The following PACRG variants were observed in gnomAD, a reference collection of about 807,000 sequenced individuals.
The protein encoded by PACRG is parkin coregulated.
A neutral mutation model predicts 29.7 loss-of-function variants in PACRG; 29 were observed. That is an observed-to-expected ratio of 0.98 (90% CI 0.73 to 1.33). The LOEUF is 1.33. Ranked by LOEUF, PACRG falls within the 40% of genes most tolerant of loss-of-function variation. The pLI is 0.00. For missense variants in PACRG, 279 were observed against 316.2 expected, an observed-to-expected ratio of 0.88 and a Z score of 0.89; for synonymous variants, 116 against 118.7, an observed-to-expected ratio of 0.98 and a Z score of 0.15.
chr6:163,207,648 C>T (rs577313049), intron 4 of PACRG, among the ~76,000 whole-genome samples: 8 of 152,280 alleles, frequency 5.3e-5, no homozygotes, highest in Admixed American at 2.6e-4. Context: ...TCACACTTAA[C>T]GCCCAGCACT....
rs765777534 is a variant in PACRG at position 162,853,140 on chromosome 6, G to A, written c.291+38859G>A. 6.6e-6 allele frequency among the ~76,000 whole-genome samples: 1 copy of A among 152,140 alleles called. No homozygotes were observed. Among genetic ancestry groups the A allele is most frequent in the African/African-American group, 2.4e-5 (1 of 41,414 alleles). ...GGAGTAGAGAAAAGAGAACACCAGG[G>A]GCTTTCCTGAGCAGATCATCACTTT... is the stretch of plus-strand genomic sequence containing the variant. On this transcript the variant is annotated intron_variant, in intron 2 of 4. Transcript: ENST00000366888. This position sits in a 1 kb window ranked among gnomAD's most constrained non-coding sequence, Gnocchi z 4.7.
intron 2 of PACRG, among the ~76,000 whole-genome samples, chr6:162,870,942 T>C (rs1359063482): frequency 6.6e-6 from 1 of 152,206 alleles, no homozygotes; most frequent in East Asian, 1.9e-4. Flanking sequence ...GGGCACCATT[T>C]TCAATGCTGG....
intron 4 of PACRG, among the ~76,000 whole-genome samples, chr6:163,195,402 G>T (rs1418576637): frequency 6.6e-6 from 1 of 152,140 alleles, no homozygotes; most frequent in Non-Finnish European, 1.5e-5. Flanking sequence ...ATCTCCTCAT[G>T]TGGGTTCTCC....
intron 2 of PACRG, among the ~76,000 whole-genome samples, chr6:162,886,642 T>C (rs555792759): frequency 1.3e-5 from 2 of 152,178 alleles, no homozygotes; most frequent in African/African-American, 2.4e-5. Flanking sequence ...TTTCAAGTTA[T>C]GCTGTTTTCT....
chr6:163,099,644 AC>A (rs1375469494), intron 4 of PACRG, among the ~76,000 whole-genome samples: 1 of 152,216 alleles, frequency 6.6e-6, no homozygotes, highest in Non-Finnish European at 1.5e-5. Flanking sequence ...CCAACTAATG[AC>A]TTTTTAAAGG....
chr6:162,877,439 G>T (rs759851121), intron 2 of PACRG, among the ~76,000 whole-genome samples: 11 of 152,096 alleles, frequency 7.2e-5, no homozygotes, highest in Non-Finnish European at 1.2e-4. Flanking sequence ...CTGTTGGGAG[G>T]TTGGGGGCTA....
intron 1 of PACRG, among the ~76,000 whole-genome samples, chr6:162,740,572 C>G (rs1241724254): frequency 6.9e-6 from 1 of 145,510 alleles, no homozygotes; most frequent in Non-Finnish European, 1.5e-5. Context: ...TGCCTTTGGC[C>G]TCCCAAAGTG....
chr6:162,897,739 G>T (rs1249672430), intron 2 of PACRG, among the ~76,000 whole-genome samples: 8 of 152,212 alleles, frequency 5.3e-5, no homozygotes, highest in African/African-American at 1.9e-4. Context: ...ATTTCACGCT[G>T]AGCACCAGTG....
intron 2 of PACRG, among the ~76,000 whole-genome samples, chr6:162,991,920 A>T (rs1373326802): frequency 2.5e-5 from 3 of 118,242 alleles, no homozygotes; most frequent in Non-Finnish European, 4.9e-5. Flanking sequence ...TCCCATCAAT[A>T]CCTAATTTAT....
intron 2 of PACRG, among the ~76,000 whole-genome samples, chr6:162,889,722 C>G (rs370050380): frequency 5.9e-5 from 9 of 152,280 alleles, no homozygotes; most frequent in African/African-American, 1.7e-4. Flanking sequence ...AAGCATCTAC[C>G]AAATATATTA....
rs550793380 is a variant in PACRG at position 162,730,207 on chromosome 6, C to T, written c.156+1816C>T. Among the ~76,000 whole-genome samples the T allele has an allele frequency of 2.9e-4, 44 of 151,996 alleles. No homozygotes were observed. The South Asian group carries it at 6.4e-3, about 22-fold the overall frequency. The stretch of plus-strand genomic sequence containing the variant: ...TTGATAAAAGAAGGCTGGACAATAC[C>T]GTTTATACAAAATAACTTCAGTGGT... On this transcript the variant is annotated intron_variant, in intron 1 of 4. Coordinates refer to ENST00000366888, the MANE Select transcript of PACRG (RefSeq NM_001080379.2).
intron 2 of PACRG, among the ~76,000 whole-genome samples, chr6:163,037,649 A>T (rs1808327125): frequency 6.6e-6 from 1 of 152,210 alleles, no homozygotes; most frequent in African/African-American, 2.4e-5. Context: ...TACAGCAGGG[A>T]ACAACTATCC....
At chr6:163,001,211 C>G (rs1259872425) in intron 2 of PACRG, among the ~76,000 whole-genome samples, 2 of 152,160 alleles carry the variant, frequency 1.3e-5, no homozygotes, top group African/African-American at 4.8e-5. Context: ...ATGCACTGTC[C>G]AAAGAGTTAA....
At chr6:163,024,559 C>G (rs2128223060) in intron 2 of PACRG, among the ~76,000 whole-genome samples, 1 of 152,260 alleles carries the variant, frequency 6.6e-6, no homozygotes, top group East Asian at 1.9e-4. Context: ...GCTATTCAGG[C>G]TCTTTCTTGG....
intron 2 of PACRG, among the ~76,000 whole-genome samples, chr6:162,938,660 C>A (rs1798403928): frequency 6.6e-6 from 1 of 152,184 alleles, no homozygotes; most frequent in African/African-American, 2.4e-5. Context: ...ATCCCAACAT[C>A]TATTATTTTT....
chr6:163,219,729 C>G (rs1316195390), intron 4 of PACRG, among the ~76,000 whole-genome samples: 3 of 151,888 alleles, frequency 2.0e-5, no homozygotes, highest in Non-Finnish European at 2.9e-5. Flanking sequence ...CCTGCCTTTC[C>G]CACCTGCCTC....
At chr6:162,900,841 C>T (rs955244521) in intron 2 of PACRG, among the ~76,000 whole-genome samples, 4 of 152,108 alleles carry the variant, frequency 2.6e-5, no homozygotes, top group Non-Finnish European at 5.9e-5. Flanking sequence ...GTTTTTAAAC[C>T]CTTGATTTTC....
chr6:162,760,879 G>C (rs1782302425), intron 1 of PACRG, among the ~76,000 whole-genome samples: 1 of 152,158 alleles, frequency 6.6e-6, no homozygotes, highest in Non-Finnish European at 1.5e-5. Context: ...GAGGATTTTT[G>C]CAGTGGTTGA....
intron 1 of PACRG, among the ~76,000 whole-genome samples, chr6:162,733,037 C>T (rs190820208): frequency 2.6e-5 from 4 of 152,324 alleles, no homozygotes; most frequent in African/African-American, 7.2e-5. Context: ...CTTCTCCCTA[C>T]ATATCTGCAT....
Sources: gnomAD v4.1 joint callset for allele counts (sites outside exome capture counted in the v4.1 genomes callset) on GRCh38, gnomAD v4.1.1 for gene constraint, Gnocchi (gnomAD v3.1) non-coding constraint, MANE v1.5 for transcripts, NCBI Gene and HGNC (gene_info 2026-07-23, HGNC 2026-07-21) for gene names.